ERI1: variants seen among roughly 807,000 people sequenced by gnomAD.
ERI1 encodes the protein 3'-5' exoribonuclease 1.
In ERI1, 39 loss-of-function variants were observed where a neutral mutation model predicts 39.7. The observed-to-expected ratio is 0.98, with a 90% CI of 0.76 to 1.28. The LOEUF (loss-of-function observed/expected upper bound fraction) is 1.28. Among genes scored for constraint, ERI1 ranks in the 50% most tolerant of loss-of-function variants. The probability of loss-of-function intolerance (pLI) is 0.00; values close to 1 mark genes in which losing one functional copy is unlikely to be tolerated. For missense variants in ERI1, 581 were observed against 416.9 expected (o/e 1.39, Z -3.43); for synonymous variants, 204 against 149.6 (o/e 1.36, Z -2.65).
intron 3 of ERI1, among the ~76,000 whole-genome samples, chr8:9,015,740 A>AAAAAAAAAAAAAAAAAAAG (rs1182633803): frequency 6.7e-6 from 1 of 148,520 alleles, no homozygotes; most frequent in African/African-American, 2.6e-5. Context: ...AAAAAAAAAA[A>AAAAAAAAAAAAAAAAAAAG]AGAGACCATC....
chr8:9,027,199 G>C (rs988543251), intron 6 of ERI1, among the ~76,000 whole-genome samples: 2 of 150,482 alleles, frequency 1.3e-5, no homozygotes, highest in African/African-American at 4.9e-5. Context: ...TCTAATGGGT[G>C]TGAAGTGGTA....
intron 3 of ERI1, among the ~76,000 whole-genome samples, chr8:9,066,874 G>A (rs1356767563): frequency 2.0e-5 from 3 of 152,098 alleles, no homozygotes; most frequent in South Asian, 2.1e-4. Context: ...GATGTTCTCA[G>A]TGGCCTCAGC....
intron 1 of ERI1, among the ~76,000 whole-genome samples, chr8:9,006,469 A>G (rs1175821044): frequency 6.6e-6 from 1 of 152,228 alleles, no homozygotes; most frequent in Non-Finnish European, 1.5e-5. Context: ...ATTAACTGAG[A>G]CATCTGTTTT....
chr8:9,083,439 C>G (rs1025130875), intron 3 of ERI1, among the ~76,000 whole-genome samples: 2 of 152,018 alleles, frequency 1.3e-5, no homozygotes, highest in Admixed American at 6.6e-5. Flanking sequence ...GCTTTCGATG[C>G]CTTATAAACT....
chr8:9,055,143 AAG>A (rs1585265866), intron 3 of ERI1, among the ~76,000 whole-genome samples: 1 of 152,180 alleles, frequency 6.6e-6, no homozygotes, highest in East Asian at 1.9e-4. Flanking sequence ...GGACAGAAAA[AAG>A]AGAGTGACAT....
intron 3 of ERI1, among the ~76,000 whole-genome samples, chr8:9,063,741 C>T (rs1315913038): frequency 1.3e-5 from 2 of 152,120 alleles, no homozygotes; most frequent in Admixed American, 1.3e-4. Context: ...TTATTTAGAT[C>T]TTGTAGGATG....
intron 1 of ERI1, among the ~76,000 whole-genome samples, chr8:9,005,697 G>A (rs56001405): frequency 0.038 from 5,768 of 151,210 alleles, 331 homozygotes; most frequent in African/African-American, 0.12. Flanking sequence ...TAGTAGAGAC[G>A]GGGTTTCACC....
Position 9,030,603 on chromosome 8 carries a change from A to G in ERI1, c.*569A>G, listed in dbSNP as rs1325250757. ...TTCTTTTCAACTCATAATTGGAAGA[A>G]TTATGATGGATTATAGGGTTTGGTT... On this transcript the variant is annotated 3_prime_UTR_variant, in exon 7 of 7. Coordinates refer to ENST00000250263, the MANE Select transcript of ERI1 (RefSeq NM_153332.4). The G allele has an allele frequency of 6.5e-6, 1 of 153,486 alleles. No individual in the cohort carries two copies. Among genetic ancestry groups the G allele is most frequent in the Non-Finnish European group, 1.5e-5 (1 of 68,820 alleles). 9.5% of individuals were successfully genotyped at this position (153,486 alleles called of 1,614,324 possible).
intron 6 of ERI1, among the ~76,000 whole-genome samples, chr8:9,023,781 A>G (rs1224696279): frequency 6.8e-6 from 1 of 147,810 alleles, no homozygotes; most frequent in Non-Finnish European, 1.5e-5. Flanking sequence ...TTTTTTTTTT[A>G]AGTAAAAATG....
rs576243806 is a variant in ERI1 at position 9,031,949 on chromosome 8, G to C, written c.*1915G>C. Reference sequence around the variant, plus strand: ...ATTTTTGTATTTTTGGTAGAGGCGGGGTTTCACCATGTTGGTCAGGCTGGT... The same window carrying C: ...ATTTTTGTATTTTTGGTAGAGGCGGCGTTTCACCATGTTGGTCAGGCTGGT... On this transcript the variant is annotated 3_prime_UTR_variant, in exon 7 of 7. Transcript: ENST00000250263. The C allele has an allele frequency of 6.6e-6, 1 of 152,178 alleles. No homozygotes were observed. The highest frequency in any genetic ancestry group is 1.5e-5 in the Non-Finnish European group (1 of 68,098). 9.4% of individuals were successfully genotyped at this position (152,178 alleles called of 1,614,324 possible).
chr8:9,046,202 G>T (rs1203838604), intron 3 of ERI1, among the ~76,000 whole-genome samples: 1 of 152,208 alleles, frequency 6.6e-6, no homozygotes, highest in African/African-American at 2.4e-5. Flanking sequence ...GACCAGTGAG[G>T]TTCTCTGTCC....
chr8:9,075,587 ATTTTGTTGT>A (rs1031112461), intron 3 of ERI1, among the ~76,000 whole-genome samples: 1 of 151,852 alleles, frequency 6.6e-6, no homozygotes, highest in African/African-American at 2.4e-5. Context: ...TTAGCCATGC[ATTTTGTTGT>A]TGTTGTTGCT....
chr8:9,023,007 G>A (rs897351464), intron 6 of ERI1, among the ~76,000 whole-genome samples: 31 of 152,236 alleles, frequency 2.0e-4, no homozygotes, highest in Non-Finnish European at 4.0e-4. Context: ...TAAAAAATTA[G>A]CAGTAATTCC....
intron 3 of ERI1, among the ~76,000 whole-genome samples, chr8:9,015,312 C>G (rs1418663312): frequency 1.3e-5 from 2 of 152,120 alleles, no homozygotes; most frequent in Non-Finnish European, 1.5e-5. Flanking sequence ...TTCTCTATAT[C>G]TACTACCTAG....
chr8:9,033,822 A>G (rs1183951552), downstream of ERI1, among the ~76,000 whole-genome samples: 1 of 151,836 alleles, frequency 6.6e-6, no homozygotes, highest in Non-Finnish European at 1.5e-5. Flanking sequence ...CTGATATTCC[A>G]GGAACAGGTA....
chr8:9,028,406 A>T (rs1797336470), intron 6 of ERI1, among the ~76,000 whole-genome samples: 1 of 152,218 alleles, frequency 6.6e-6, no homozygotes, highest in Admixed American at 6.5e-5. Flanking sequence ...TGGAAGGTAC[A>T]GGGTATATTG....
At chr8:9,009,156 T>C (rs1043333809) in intron 2 of ERI1, 4 of 448,610 alleles carry the variant, frequency 8.9e-6, no homozygotes, top group Non-Finnish European at 1.8e-5. Flanking sequence ...TATACGTTTA[T>C]TCAACAAGCC....
intron 3 of ERI1, among the ~76,000 whole-genome samples, chr8:9,097,198 C>T (rs886884064): frequency 5.9e-5 from 9 of 152,120 alleles, no homozygotes; most frequent in African/African-American, 1.2e-4. Flanking sequence ...GCTTTCTCCC[C>T]GCTTTCATAT....
intron 3 of ERI1, among the ~76,000 whole-genome samples, chr8:9,040,251 C>T (rs1797972892): frequency 6.6e-6 from 1 of 152,132 alleles, no homozygotes; most frequent in African/African-American, 2.4e-5. Flanking sequence ...TTCACTTTAC[C>T]ACATATTCAC....
Sources: gnomAD v4.1 joint callset for allele counts (sites outside exome capture counted in the v4.1 genomes callset) on GRCh38, gnomAD v4.1.1 for gene constraint, MANE v1.5 for transcripts, NCBI Gene and HGNC (gene_info 2026-07-23, HGNC 2026-07-21) for gene names.